Variants in H3-3A observed in about 807,000 individuals in gnomAD.
H3-3A encodes the protein H3.3 histone A.
For missense variants in H3-3A, 7 were observed against 184.0 expected (o/e 0.04, Z 5.57); for synonymous variants, 49 against 61.4 (o/e 0.80, Z 0.95).
chr1:226,069,901 A>C (rs1428266024), intron 3 of H3-3A, among the ~76,000 whole-genome samples: 2 of 152,266 alleles, frequency 1.3e-5, no homozygotes, highest in Non-Finnish European at 2.9e-5. Context: ...CTTTTCAGAC[A>C]GCTATAAGTA....
chr1:226,068,693 T>C (rs1054520117), intron 3 of H3-3A, among the ~76,000 whole-genome samples: 7 of 152,178 alleles, frequency 4.6e-5, no homozygotes, highest in African/African-American at 1.7e-4. Context: ...TTTTTAAAAC[T>C]AGCAAATATT....
chr1:226,069,213 C>A (rs1246593901), intron 3 of H3-3A, among the ~76,000 whole-genome samples: 1 of 152,066 alleles, frequency 6.6e-6, no homozygotes, highest in Non-Finnish European at 1.5e-5. Flanking sequence ...CGCCCAGCTA[C>A]TTTTTGTATT....
In H3-3A at chr1:226,064,924, C is replaced by T. The variant is rs187183228; in HGVS notation, c.128+445C>T. On this transcript the variant is annotated intron_variant, in intron 2 of 3. Transcript: ENST00000366815. ...ATTTACTTGATTAGCTTATTTCCTT[C>T]TGTATTAGCTCTTTTGATTGTGAAC... is the stretch of plus-strand genomic sequence containing the variant. Among the ~76,000 whole-genome samples, 15 of 152,242 alleles carry T rather than the reference C, an allele frequency of 9.9e-5. No individual in the cohort carries two copies. In the East Asian group the frequency reaches 2.5e-3, roughly 25 times the overall value.
At chr1:226,065,896 T>A in intron 3 of H3-3A, 87 bp downstream of exon 3, 2 of 982,514 alleles carry the variant, frequency 2.0e-6, no homozygotes, top group Non-Finnish European at 3.2e-6. Context: ...CTTATATCAT[T>A]TAATCACAAG....
At chr1:226,064,281 A>ATG in intron 1 of H3-3A, 48 bp from the exon 2 acceptor site, 1 of 1,366,308 alleles carries the variant, frequency 7.3e-7, no homozygotes, top group South Asian at 1.2e-5. Context: ...GAAAAGTTGT[A>ATG]TGTTTGGTAG....
intron 3 of H3-3A, 76 bp from the exon 4 acceptor site, chr1:226,071,275 T>A: frequency 8.3e-7 from 1 of 1,210,514 alleles, no homozygotes; most frequent in Non-Finnish European, 1.2e-6. Flanking sequence ...AAAACCTTTT[T>A]GTTTTAATTC....
intron 2 of H3-3A, among the ~76,000 whole-genome samples, chr1:226,065,102 T>A (rs1442668934): frequency 6.6e-6 from 1 of 152,206 alleles, no homozygotes; most frequent in Non-Finnish European, 1.5e-5. Context: ...TGCTGACAAT[T>A]ACTTAGTAAA....
intron 3 of H3-3A, among the ~76,000 whole-genome samples, chr1:226,069,824 C>G (rs1038615494): frequency 6.6e-6 from 1 of 152,008 alleles, no homozygotes; most frequent in Non-Finnish European, 1.5e-5. Flanking sequence ...GAGCAAGACT[C>G]AAACCTCAAA....
intron 1 of H3-3A, among the ~76,000 whole-genome samples, chr1:226,063,118 A>C (rs1657792086): frequency 1.5e-5 from 2 of 137,182 alleles, no homozygotes; most frequent in African/African-American, 2.8e-5. Context: ...CCTTCCCCGG[A>C]CCCCAAACCT....
intron 3 of H3-3A, among the ~76,000 whole-genome samples, chr1:226,070,139 G>C (rs1658059161): frequency 6.6e-6 from 1 of 152,162 alleles, no homozygotes; most frequent in Non-Finnish European, 1.5e-5. Context: ...GAAGGTACTT[G>C]GTAGAGGACA....
chr1:226,065,846 C>T (rs1657906127), intron 3 of H3-3A, 37 bp downstream of exon 3: 1 of 1,484,934 alleles, frequency 6.7e-7, no homozygotes. Context: ...AGTTTGTATT[C>T]CTGTTGTGTA....
rs573529339 is a variant in H3-3A at position 226,068,989 on chromosome 1, G to A, written c.283-2362G>A. 4.6e-5 allele frequency among the ~76,000 whole-genome samples: 7 copies of A among 151,976 alleles called. No individual in the cohort carries two copies. In the South Asian group the frequency reaches 1.5e-3, roughly 32 times the overall value. On this transcript the variant is annotated intron_variant, in intron 3 of 3. Coordinates refer to ENST00000366815, the MANE Select transcript of H3-3A (RefSeq NM_002107.7). ...TGAAAATAGTTCAATTTGAATGAAG[G>A]AAACTTGTAGAAGAGTAGTGATAGG... is the stretch of plus-strand genomic sequence containing the variant.
At chr1:226,066,104 G>A (rs1657914934) in intron 3 of H3-3A, 2 of 493,674 alleles carry the variant, frequency 4.1e-6, no homozygotes, top group Non-Finnish European at 7.2e-6. Flanking sequence ...CCTCTGGTTT[G>A]GTTTATGGAT....
At chr1:226,066,221 A>T (rs1657920238) in intron 3 of H3-3A, 1 of 237,348 alleles carries the variant, frequency 4.2e-6, no homozygotes, top group East Asian at 8.6e-5. Flanking sequence ...GTCCTGAAGA[A>T]ACATATAGGT....
At chr1:226,064,588 T>C in intron 2 of H3-3A, 109 bp downstream of exon 2, 3 of 791,094 alleles carry the variant, frequency 3.8e-6, no homozygotes, top group Non-Finnish European at 6.1e-6. Flanking sequence ...GAAACTTTTT[T>C]TTTTCATTTG....
chr1:226,065,897 T>G (rs781294433), intron 3 of H3-3A, 88 bp downstream of exon 3: 1 of 979,166 alleles, frequency 1.0e-6, no homozygotes, highest in Non-Finnish European at 1.6e-6. Context: ...TTATATCATT[T>G]AATCACAAGC....
At chr1:226,066,173 A>C (rs1362432101) in intron 3 of H3-3A, 1 of 344,370 alleles carries the variant, frequency 2.9e-6, no homozygotes, top group Non-Finnish European at 5.3e-6. Context: ...TAACAATTTC[A>C]AACAACAGTG....
intron 1 of H3-3A, chr1:226,064,056 G>A: frequency 4.1e-6 from 1 of 246,318 alleles, no homozygotes; most frequent in Non-Finnish European, 8.1e-6. Flanking sequence ...TGGATCAAAG[G>A]CCGTTCGAGG....
At chr1:226,063,427 C>T (rs951522860) in intron 1 of H3-3A, among the ~76,000 whole-genome samples, 1 of 149,960 alleles carries the variant, frequency 6.7e-6, no homozygotes, top group African/African-American at 2.5e-5. Flanking sequence ...GCAAAAAAAA[C>T]TTTTGCATTT....
Sources: allele counts gnomAD v4.1 joint callset (sites outside exome capture counted in the v4.1 genomes callset), GRCh38; gene constraint gnomAD v4.1.1; transcripts MANE v1.5; gene names NCBI Gene and HGNC (gene_info 2026-07-23, HGNC 2026-07-21).